Variants in RNLS observed in about 807,000 individuals in gnomAD.
RNLS encodes the protein renalase.
RNLS carries 39 observed loss-of-function variants against 39.8 expected under a neutral mutation model. The ratio of observed to expected loss-of-function variants is 0.98; its 90% CI spans 0.76 to 1.28. RNLS has a LOEUF of 1.28. RNLS is among the 50% of genes most tolerant of loss of function. The probability of loss-of-function intolerance (pLI) is 0.00; values close to 1 mark genes in which losing one functional copy is unlikely to be tolerated. For synonymous variants in RNLS, 147 were observed against 150.7 expected, an observed-to-expected ratio of 0.98 and a Z score of 0.18; for missense variants, 410 against 413.3, an observed-to-expected ratio of 0.99 and a Z score of 0.07.
At chr10:88,242,946 A>AAAACAAAC in the RNLS span, among the ~76,000 whole-genome samples, 841 of 149,764 alleles carry the variant, frequency 5.6e-3, 6 homozygotes, top group African/African-American at 0.013. Context: ...AAACTCTGTC[A>AAAACAAAC]AAACAAACAA....
chr10:88,248,908 T>G, the RNLS span, among the ~76,000 whole-genome samples: 3 of 152,350 alleles, frequency 2.0e-5, no homozygotes, highest in African/African-American at 7.2e-5. Context: ...ATGCTGTCCA[T>G]GTGCCTTCTG....
At chr10:88,373,231 TA>T (rs1304207771) in intron 4 of RNLS, among the ~76,000 whole-genome samples, 1 of 152,200 alleles carries the variant, frequency 6.6e-6, no homozygotes, top group Non-Finnish European at 1.5e-5. Flanking sequence ...ATATTCTAAT[TA>T]AAAAGTTTTA....
the RNLS span, among the ~76,000 whole-genome samples, chr10:88,180,522 G>A: frequency 6.6e-6 from 1 of 152,120 alleles, no homozygotes; most frequent in Non-Finnish European, 1.5e-5. Context: ...CAATTGGCTG[G>A]CCAAAGGATT....
intron 4 of RNLS, among the ~76,000 whole-genome samples, chr10:88,477,311 G>A (rs140801790): frequency 6.6e-6 from 1 of 152,252 alleles, no homozygotes; most frequent in East Asian, 1.9e-4. Flanking sequence ...TGCCTTGATG[G>A]TATGAGCAAG....
chr10:88,573,815 T>C (rs893629840), intron 3 of RNLS, among the ~76,000 whole-genome samples: 2 of 150,480 alleles, frequency 1.3e-5, no homozygotes, highest in African/African-American at 2.4e-5. Flanking sequence ...ATACATAGCA[T>C]AGAATTTATT....
the RNLS span, among the ~76,000 whole-genome samples, chr10:88,215,691 ATTTT>A: frequency 3.1e-5 from 3 of 95,446 alleles, no homozygotes; most frequent in South Asian, 6.8e-4. Context: ...ACCATCTGTA[ATTTT>A]TTTTTTTTTT....
the RNLS span, among the ~76,000 whole-genome samples, chr10:88,232,768 G>A: frequency 5.8e-4 from 88 of 152,320 alleles, no homozygotes; most frequent in African/African-American, 2.0e-3. Context: ...ATCCTTTCCT[G>A]TCTACAAGTG....
chr10:88,228,039 T>A, the RNLS span, among the ~76,000 whole-genome samples: 1 of 152,190 alleles, frequency 6.6e-6, no homozygotes, highest in Non-Finnish European at 1.5e-5. Flanking sequence ...GAGACTCACC[T>A]CGTGGCTTGT....
At chr10:88,256,647 G>A in the RNLS span, among the ~76,000 whole-genome samples, 3 of 152,182 alleles carry the variant, frequency 2.0e-5, no homozygotes, top group East Asian at 5.8e-4. Flanking sequence ...CTTGGGCAGA[G>A]TGTAGGGTGC....
chr10:88,217,238 A>C, the RNLS span, among the ~76,000 whole-genome samples: 3 of 152,316 alleles, frequency 2.0e-5, no homozygotes, highest in Admixed American at 6.5e-5. Flanking sequence ...AACAAGGAAG[A>C]AGCAGCAAAG....
At chr10:88,466,032 T>G (rs1843184019) in intron 4 of RNLS, among the ~76,000 whole-genome samples, 1 of 151,902 alleles carries the variant, frequency 6.6e-6, no homozygotes, top group African/African-American at 2.4e-5. Flanking sequence ...CAGTCAGGCA[T>G]GAGGTAAAGG....
In RNLS at chr10:88,314,604, G is replaced by A. The variant is rs1389772937; in HGVS notation, c.738C>T (p.Thr246=). The A allele has an allele frequency of 6.2e-7, 1 of 1,613,598 alleles. No homozygotes were observed. The highest frequency in any genetic ancestry group is 2.2e-5 in the East Asian group (1 of 44,880). Residue 246 remains threonine (T), a synonymous_variant, in exon 6 of 7, where the codon ACC becomes ACT. Coordinates refer to ENST00000331772, the MANE Select transcript of RNLS (RefSeq NM_001031709.3). The part of the protein sequence containing the change: ...SEIGPSLVIH[T]TVPFGVTYLE... ...AGTATGTAACTCCAAATGGGACAGT[G>A]GTGTGAATCACGAGGGAAGGCCCAA...
chr10:88,394,722 C>A (rs1329008110), intron 4 of RNLS, among the ~76,000 whole-genome samples: 14 of 152,150 alleles, frequency 9.2e-5, no homozygotes, highest in Non-Finnish European at 2.1e-4. Context: ...ATAAATCATG[C>A]TGCTATAAAG....
At chr10:88,582,419 CT>C in intron 1 of RNLS, 112 bp from the exon 2 acceptor site, 1 of 773,760 alleles carries the variant, frequency 1.3e-6, no homozygotes, top group Non-Finnish European at 2.0e-6. Flanking sequence ...TCTTAAGAAA[CT>C]TTTTTAAGTT....
chr10:88,379,013 C>CTT (rs1851246775), intron 4 of RNLS, among the ~76,000 whole-genome samples: 2 of 152,108 alleles, frequency 1.3e-5, no homozygotes, highest in Middle Eastern at 3.2e-3. Flanking sequence ...ATGTGCTATA[C>CTT]TTTTATATGA....
intron 4 of RNLS, among the ~76,000 whole-genome samples, chr10:88,531,122 C>T (rs576790680): frequency 1.1e-4 from 16 of 151,838 alleles, no homozygotes; most frequent in African/African-American, 3.9e-4. Context: ...GCCACTGGTC[C>T]CAATATTTAT....
chr10:88,345,740 T>C (rs1848259417), intron 5 of RNLS, among the ~76,000 whole-genome samples: 2 of 152,124 alleles, frequency 1.3e-5, no homozygotes, highest in Non-Finnish European at 2.9e-5. Flanking sequence ...TTCAGGTAAG[T>C]AAGTGAAGCT....
At chr10:88,294,939 AAATAACCATGCTATT>A (rs1843968630) in intron 6 of RNLS, among the ~76,000 whole-genome samples, 1 of 151,920 alleles carries the variant, frequency 6.6e-6, no homozygotes, top group Non-Finnish European at 1.5e-5. Context: ...CCCACCCTCC[AAATAACCATGCTATT>A]AACCACCTTC....
chr10:88,381,114 T>C (rs908678151), intron 4 of RNLS, among the ~76,000 whole-genome samples: 2 of 152,232 alleles, frequency 1.3e-5, no homozygotes, highest in African/African-American at 4.8e-5. Flanking sequence ...GAAATATCTT[T>C]GCAGATTTTA....
Sources: allele counts gnomAD v4.1 joint callset (sites outside exome capture counted in the v4.1 genomes callset), GRCh38; gene constraint gnomAD v4.1.1; transcripts MANE v1.5; gene names NCBI Gene and HGNC (gene_info 2026-07-23, HGNC 2026-07-21).